Variants in AKR1C3 observed in about 807,000 individuals in gnomAD.
The protein encoded by AKR1C3 is 3-alpha hydroxysteroid dehydrogenase, type II.
In AKR1C3, 48 loss-of-function variants were observed where a neutral mutation model predicts 43.6. The ratio of observed to expected loss-of-function variants is 1.10; its 90% CI spans 0.87 to 1.40. The LOEUF is 1.40. Among genes scored for constraint, AKR1C3 ranks in the 40% most tolerant of loss-of-function variants. The pLI, the probability that AKR1C3 is intolerant of heterozygous loss-of-function variation, is 0.00. For synonymous variants in AKR1C3, 162 were observed against 139.6 expected (o/e 1.16, Z -1.13); for missense variants, 482 against 391.2 (o/e 1.23, Z -1.96).
At chr10:5,103,521 C>CTGTTCTTGGCTGGGCTCTCTCATG (rs1296135402) in intron 7 of AKR1C3, among the ~76,000 whole-genome samples, 4 of 152,132 alleles carry the variant, frequency 2.6e-5, no homozygotes, top group African/African-American at 9.7e-5. Context: ...TAGTCAAGTT[C>CTGTTCTTGGCTGGGCTCTCTCATG]TGTTCTTGGC....
intron 1 of AKR1C3, among the ~76,000 whole-genome samples, chr10:5,074,637 T>C (rs1295552808): frequency 6.6e-6 from 1 of 152,186 alleles, no homozygotes; most frequent in Admixed American, 6.5e-5. Context: ...CGAAACTCTT[T>C]TAGCCAAAGA....
At chr10:5,062,352 T>C (rs782171853) in intron 1 of AKR1C3, among the ~76,000 whole-genome samples, 4 of 152,186 alleles carry the variant, frequency 2.6e-5, no homozygotes, top group Non-Finnish European at 5.9e-5. Flanking sequence ...CCTAGGCCAA[T>C]TTCGTGGACT....
Position 5,105,678 on chromosome 10 carries a change from G to A in AKR1C3, c.929+1G>A, listed in dbSNP as rs782297798. On this transcript the variant is annotated splice_donor_variant, in intron 8 of 8. Transcript: ENST00000380554. LOFTEE classifies it high-confidence loss of function. ...ATCTCCACTATTTTAACAGTGATAG[G>A]TAAGTTTCCTTTGTAAATGGGTGAT... 3.7e-6 allele frequency: 6 copies of A among 1,610,280 alleles called. No individual in the cohort carries two copies. Among genetic ancestry groups the A allele is most frequent in the Admixed American group, 3.3e-5 (2 of 59,902 alleles).
intron 1 of AKR1C3, among the ~76,000 whole-genome samples, chr10:5,078,975 A>G (rs1838774885): frequency 6.6e-6 from 1 of 152,186 alleles, no homozygotes; most frequent in South Asian, 2.1e-4. Context: ...AGGTGTCTCG[A>G]TAGTGTTAAC....
At chr10:5,095,684 TTC>T (rs1251004270) in intron 1 of AKR1C3, among the ~76,000 whole-genome samples, 2 of 152,070 alleles carry the variant, frequency 1.3e-5, no homozygotes, top group Non-Finnish European at 2.9e-5. Context: ...TTCACTGGAA[TTC>T]TGTCTTTCCT....
rs190674338 is a variant in AKR1C3 at position 5,097,498 on chromosome 10, C to T, written c.317C>T (p.Ala106Val). The stretch of plus-strand genomic sequence containing the variant: ...GCCTTGGAAAACTCACTGAAGAAAG[C>T]TCAATTGGACTATGTTGACCTCTAT... ...RPALENSLKK[A>V]QLDYVDLYLI... The change falls in exon 3 of 9, where the codon GCT becomes GTT. Residue 106 changes from alanine (A) to valine (V), a missense_variant. Coordinates refer to ENST00000380554, the MANE Select transcript of AKR1C3 (RefSeq NM_003739.6). 12 of 1,613,804 alleles carry T rather than the reference C, an allele frequency of 7.4e-6. No individual in the cohort carries two copies. In the East Asian group the frequency reaches 2.0e-4, roughly 27 times the overall value.
chr10:5,063,568 G>C (rs537081671), intron 1 of AKR1C3, among the ~76,000 whole-genome samples: 1 of 151,560 alleles, frequency 6.6e-6, no homozygotes. Flanking sequence ...GGCTGAGGCA[G>C]GCAGATCACT....
At chr10:5,051,034 T>C (rs1397583425) in intron 1 of AKR1C3, among the ~76,000 whole-genome samples, 2 of 152,222 alleles carry the variant, frequency 1.3e-5, no homozygotes, top group African/African-American at 2.4e-5. Flanking sequence ...GAATGACTCT[T>C]TGCTCTGTAG....
intron 1 of AKR1C3, among the ~76,000 whole-genome samples, chr10:5,087,734 G>T (rs1839002984): frequency 6.6e-6 from 1 of 151,394 alleles, no homozygotes; most frequent in African/African-American, 2.4e-5. Flanking sequence ...TTGTTAGCTA[G>T]CTGACTATCA....
At chr10:5,094,308 T>A, upstream of AKR1C3, 1 of 897,114 alleles carries the variant, frequency 1.1e-6, no homozygotes, top group Non-Finnish European at 1.7e-6. Flanking sequence ...AGACTGCCTA[T>A]GTACCTCCTC....
chr10:5,097,510 A>T lies in AKR1C3; in HGVS notation c.329A>T (p.Tyr110Phe), dbSNP rs782535113. Reference sequence around the variant, plus strand: ...TCACTGAAGAAAGCTCAATTGGACTATGTTGACCTCTATCTTATTCATTCT... The same window carrying T: ...TCACTGAAGAAAGCTCAATTGGACTTTGTTGACCTCTATCTTATTCATTCT... ...ENSLKKAQLDYVDLYLIHSPM... is the reference protein window; with the variant it reads ...ENSLKKAQLDFVDLYLIHSPM... The change falls in exon 3 of 9, where the codon TAT becomes TTT. Residue 110 changes from tyrosine (Y) to phenylalanine (F), a missense_variant. Physicochemically the swap from Tyr to Phe is conservative, Grantham distance 22. Coordinates refer to ENST00000380554, the MANE Select transcript of AKR1C3 (RefSeq NM_003739.6). 2 of 1,613,682 alleles carry T rather than the reference A, an allele frequency of 1.2e-6. No homozygotes were observed. The highest frequency in any genetic ancestry group is 1.3e-5 in the African/African-American group (1 of 74,896).
Position 5,105,661 on chromosome 10 carries a change from T to A in AKR1C3, c.913T>A (p.Tyr305Asn). 1 of 1,613,400 alleles carries A rather than the reference T, an allele frequency of 6.2e-7. No homozygotes were observed. The highest frequency in any genetic ancestry group is 8.5e-7 in the Non-Finnish European group (1 of 1,179,384). ...AGATGGCCTAGACAGAAATCTCCAC[T>A]ATTTTAACAGTGATAGGTAAGTTTC... The part of the protein sequence containing the change: ...AIDGLDRNLH[Y>N]FNSDSFASHP... The change falls in exon 8 of 9, where the codon TAT becomes AAT. Residue 305 changes from tyrosine to asparagine, a missense_variant. Tyr to Asn is a moderately radical substitution (Grantham distance 143). Transcript: ENST00000380554.
chr10:5,076,932 C>A (rs1460718815), intron 1 of AKR1C3, among the ~76,000 whole-genome samples: 1 of 152,162 alleles, frequency 6.6e-6, no homozygotes, highest in Non-Finnish European at 1.5e-5. Context: ...TTTTTGAAGT[C>A]ATGCATAAAA....
chr10:5,093,614 T>G (rs1282949156), upstream of AKR1C3: 5 of 152,250 alleles, frequency 3.3e-5, no homozygotes, highest in Admixed American at 6.5e-5. Context: ...GATGACAGAT[T>G]ATATAAAATG....
At chr10:5,059,860 G>C (rs1219254000) in intron 1 of AKR1C3, among the ~76,000 whole-genome samples, 2 of 152,186 alleles carry the variant, frequency 1.3e-5, no homozygotes, top group South Asian at 2.1e-4. Flanking sequence ...AGAAATGGTG[G>C]GTTCTTGGTC....
At chr10:5,098,184 T>C in intron 3 of AKR1C3, 1 of 985,366 alleles carries the variant, frequency 1.0e-6, no homozygotes, top group Non-Finnish European at 1.2e-6. Context: ...GTCAAAGACA[T>C]GGCTACATTT....
At chr10:5,097,857 C>T (rs937415665) in intron 3 of AKR1C3, 5 of 1,146,366 alleles carry the variant, frequency 4.4e-6, no homozygotes, top group Non-Finnish European at 5.4e-6. Flanking sequence ...TGGGATGTTC[C>T]CAGACACAGA....
intron 1 of AKR1C3, among the ~76,000 whole-genome samples, chr10:5,058,964 A>G (rs554017104): frequency 9.2e-5 from 14 of 152,310 alleles, no homozygotes; most frequent in African/African-American, 3.4e-4. Flanking sequence ...TGCCCCAAAA[A>G]TGAAGTGAAG....
At chr10:5,085,896 G>T (rs1415341031) in intron 1 of AKR1C3, among the ~76,000 whole-genome samples, 3 of 151,848 alleles carry the variant, frequency 2.0e-5, no homozygotes. Context: ...ATGGTAGTTT[G>T]TATTTCTGAG....
Sources: gnomAD v4.1 joint callset for allele counts (sites outside exome capture counted in the v4.1 genomes callset) on GRCh38, gnomAD v4.1.1 for gene constraint, MANE v1.5 for transcripts, NCBI Gene and HGNC (gene_info 2026-07-23, HGNC 2026-07-21) for gene names.